The following KIF19 variants were observed in gnomAD, a reference collection of about 807,000 sequenced individuals.
KIF19 encodes kinesin family member 19, also known as kinesin-like protein KIF19.
Under a neutral mutation model 106.6 loss-of-function variants are expected in KIF19, and 98 were observed. That is an observed-to-expected ratio of 0.92 (90% confidence interval 0.78 to 1.09). The LOEUF (loss-of-function observed/expected upper bound fraction) is 1.09, where lower values mean the gene tolerates loss of function less well. Ranked by LOEUF, KIF19 falls within the 50% of genes least tolerant of loss-of-function variation. The pLI, the probability that KIF19 is intolerant of heterozygous loss-of-function variation, is 0.00. For missense variants in KIF19, 1,373 were observed against 1,414.3 expected (o/e 0.97, Z 0.47); for synonymous variants, 516 against 584.2 (o/e 0.88, Z 1.68).
At chr17:74,336,637 C>T (rs914409558) in intron 2 of KIF19, among the ~76,000 whole-genome samples, 2 of 152,160 alleles carry the variant, frequency 1.3e-5, no homozygotes, top group Non-Finnish European at 2.9e-5. Context: ...GGTACTCCCC[C>T]CAGCCAGGCA....
In KIF19 at chr17:74,350,729, C is replaced by T. The variant is rs2382644; in HGVS notation, c.1411C>T (p.Arg471Trp). The change falls in exon 12 of 20, where the codon CGG (arginine) becomes TGG (tryptophan). Residue 471 changes from arginine (R) to tryptophan (W), a missense_variant. Around this residue, in one of 3 missense-constraint regions of KIF19, gnomAD observed 1,020 missense variants for 1,008.2 expected, o/e 1.01. Coordinates refer to ENST00000389916, the MANE Select transcript of KIF19 (RefSeq NM_153209.4). The stretch of plus-strand genomic sequence containing the variant: ...CAGCTGGAAGCATGAGAAGTCCCGC[C>T]GGGCCCTCAAATGGCGGGAGGAGCA... ...IAGWKHEKSRRALKWREEQRK... is the reference protein window; with the variant it reads ...IAGWKHEKSRWALKWREEQRK... 151,068 of 1,613,780 alleles carry T rather than the reference C, an allele frequency of 0.094. 7,947 individuals carry two copies. Among genetic ancestry groups the T allele is most frequent in the East Asian group, 0.2 (8,903 of 44,872 alleles).
Position 74,355,241 on chromosome 17 carries a change from G to T in KIF19, c.2926G>T (p.Ala976Ser), listed in dbSNP as rs1352372371. ...CAACCCAGGTGGTGGTTCTCGACGG[G>T]CTACCCGTGGGCCCCGCCTGCCCCA... ...PPNPGGGSRR[A>S]TRGPRLPHGT... Residue 976 changes from alanine (A) to serine (S), a missense_variant, in exon 20 of 20, where the codon GCT (alanine) becomes TCT (serine). Ala to Ser is a moderately conservative substitution (Grantham distance 99). Transcript: ENST00000389916. 1.2e-6 allele frequency: 2 copies of T among 1,612,658 alleles called. No homozygotes were observed. The highest frequency in any genetic ancestry group is 1.7e-6 in the Non-Finnish European group (2 of 1,179,702).
rs1567897631 is a variant in KIF19 at position 74,332,210 on chromosome 17, T to TGTTTGTG, written c.120+3705_120+3706insGTTTGTG. Among the ~76,000 whole-genome samples the TGTTTGTG allele has an allele frequency of 3.8e-3, 411 of 108,832 alleles. 3 individuals carry two copies. Among genetic ancestry groups the TGTTTGTG allele is most frequent in the Middle Eastern group, 0.014 (3 of 212 alleles). The allele number at this position is 108,832 out of a possible 152,430, so 71.4% of individuals were successfully genotyped here. On this transcript the variant is annotated intron_variant, in intron 2 of 19. Transcript: ENST00000389916. Reference sequence around the variant, plus strand: ...TGTGTGTGTGTGTGTGTGTGTGTGTTTGTGTGTGTGTGTGTGTGTGTGTGT... The same window carrying TGTTTGTG: ...TGTGTGTGTGTGTGTGTGTGTGTGTTGTTTGTGTGTGTGTGTGTGTGTGTGTGTGTGT...
chr17:74,355,011 G>T, intron 19 of KIF19, 70 bp downstream of exon 19: 1 of 1,550,922 alleles, frequency 6.4e-7, no homozygotes. Context: ...AAGACACATT[G>T]CATTTCCTGC....
Position 74,343,076 on chromosome 17 carries a change from TG to T in KIF19, c.373del (p.Val125PhefsTer33). 1 of 1,613,118 alleles carries T rather than the reference TG, an allele frequency of 6.2e-7. No individual in the cohort carries two copies. Among genetic ancestry groups the T allele is most frequent in the Non-Finnish European group, 8.5e-7 (1 of 1,179,746 alleles). ...LGTDQEPGIYVQTLNDLFRAI... is the reference protein window; with the variant it reads ...LGTDQEPGIYXQTLNDLFRAI... ...GCACAGACCAGGAGCCTGGCATCTA[TG>T]TTCAGACCCTCAACGACCTCTTCCG... is the stretch of plus-strand genomic sequence containing the variant. On this transcript the variant is annotated frameshift_variant, in exon 5 of 20. Coordinates refer to ENST00000389916, the MANE Select transcript of KIF19 (RefSeq NM_153209.4). LOFTEE classifies it high-confidence loss of function.
chr17:74,352,618 G>A (rs1276078661), intron 14 of KIF19, among the ~76,000 whole-genome samples: 1 of 152,178 alleles, frequency 6.6e-6, no homozygotes, highest in Non-Finnish European at 1.5e-5. Flanking sequence ...TGCCCTCCCA[G>A]GAGACCAAGC....
At chr17:74,342,956 G>A (rs964197040) in intron 4 of KIF19, 68 bp from the exon 5 acceptor site, 3 of 1,505,506 alleles carry the variant, frequency 2.0e-6, no homozygotes, top group Non-Finnish European at 2.7e-6. Context: ...CGGTTTCCAG[G>A]AGTGCCTGCC....
chr17:74,354,609 A>G (rs1394877349), intron 18 of KIF19, 50 bp downstream of exon 18: 2 of 1,553,372 alleles, frequency 1.3e-6, no homozygotes, highest in East Asian at 2.4e-5. Context: ...TAGCAGCTGG[A>G]GGCCTGAGGG....
At chr17:74,327,373 AG>A (rs2053943042) in intron 1 of KIF19, among the ~76,000 whole-genome samples, 1 of 152,338 alleles carries the variant, frequency 6.6e-6, no homozygotes, top group African/African-American at 2.4e-5. Flanking sequence ...CCCGGGGAGC[AG>A]GGATGAAGGG....
chr17:74,348,719 T>G (rs1014864148), intron 9 of KIF19: 7 of 170,056 alleles, frequency 4.1e-5, no homozygotes, highest in African/African-American at 1.5e-4. Context: ...GAACAGGAGG[T>G]GGGGGTGGCC....
intron 10 of KIF19, among the ~76,000 whole-genome samples, chr17:74,349,684 G>A (rs772766667): frequency 1.5e-4 from 23 of 152,230 alleles, no homozygotes; most frequent in Non-Finnish European, 2.5e-4. Flanking sequence ...CTGCACCCCC[G>A]GAATGGGCTC....
In KIF19 at chr17:74,346,383, G is replaced by C. The variant is rs1341450763; in HGVS notation, c.783G>C (p.Gln261His). ...GCCCTTTGCTCGCCCCCTAGACACA[G>C]AATCGTGGGCAGCGTATGAAGGAGG... is the stretch of plus-strand genomic sequence containing the variant. ...LAGSERASQTQNRGQRMKEGA... is the reference protein window; with the variant it reads ...LAGSERASQTHNRGQRMKEGA... Residue 261 changes from glutamine to histidine, a missense_variant, in exon 8 of 20, where the codon CAG becomes CAC. Coordinates refer to ENST00000389916, the MANE Select transcript of KIF19 (RefSeq NM_153209.4). This position sits in a 1 kb window ranked among gnomAD's most constrained non-coding sequence, Gnocchi z 4.6. 3.2e-6 allele frequency: 5 copies of C among 1,573,830 alleles called. No individual in the cohort carries two copies. In the East Asian group the frequency reaches 1.2e-4, roughly 37 times the overall value.
At chr17:74,330,235 G>T (rs2054039226) in intron 2 of KIF19, among the ~76,000 whole-genome samples, 1 of 152,214 alleles carries the variant, frequency 6.6e-6, no homozygotes, top group Non-Finnish European at 1.5e-5. Context: ...AGGAGGTTCT[G>T]CCATTTGCCA....
In KIF19 at chr17:74,352,325, C is replaced by T. The variant is rs776451781; in HGVS notation, c.1965C>T (p.Ala655=). 1 of 1,609,060 alleles carries T rather than the reference C, an allele frequency of 6.2e-7. No homozygotes were observed. Among genetic ancestry groups the T allele is most frequent in the Non-Finnish European group, 8.5e-7 (1 of 1,178,362 alleles). Residue 655 remains alanine (A), a synonymous_variant, in exon 14 of 20, where the codon GCC becomes GCT. Coordinates refer to ENST00000389916, the MANE Select transcript of KIF19 (RefSeq NM_153209.4). The part of the protein sequence containing the change: ...LEQATIMDQV[A]SRALQDSSLP... The stretch of plus-strand genomic sequence containing the variant: ...AGGCCACCATCATGGACCAAGTGGC[C>T]TCCAGGGCCCTGCAGGTGGGTGGGC...
intron 19 of KIF19, 89 bp from the exon 20 acceptor site, chr17:74,355,093 C>A (rs1055886468): frequency 6.5e-7 from 1 of 1,544,194 alleles, no homozygotes; most frequent in Admixed American, 1.8e-5. Flanking sequence ...TGGGGTGGTG[C>A]CCCTAGAGAG....
chr17:74,346,521 G>C lies in KIF19; in HGVS notation c.921G>C (p.Leu307=). ...GCGACAGCAAGCTCACCCGGCTCCT[G>C]AAGGTACCAGCCACAGCTGGGCCTG... ...NYRDSKLTRL[L]KDSLGGNSRT... is the part of the protein sequence containing the mutation. The change falls in exon 8 of 20, where the codon CTG becomes CTC. Residue 307 remains leucine, a synonymous_variant. Coordinates refer to ENST00000389916, the MANE Select transcript of KIF19 (RefSeq NM_153209.4). The surrounding 1 kb of genome is among the most constrained non-coding windows in gnomAD (Gnocchi z 4.6). The C allele has an allele frequency of 6.4e-7, 1 of 1,550,922 alleles. No individual in the cohort carries two copies. The highest frequency in any genetic ancestry group is 8.7e-7 in the Non-Finnish European group (1 of 1,146,904).
chr17:74,333,378 T>G (rs1479995581), intron 2 of KIF19, among the ~76,000 whole-genome samples: 3 of 150,112 alleles, frequency 2.0e-5, no homozygotes. Flanking sequence ...TTTTTTTTTT[T>G]TTTTGAGACA....
At chr17:74,353,337 A>C in intron 16 of KIF19, 36 bp downstream of exon 16, 1 of 1,523,298 alleles carries the variant, frequency 6.6e-7, no homozygotes, top group Non-Finnish European at 8.9e-7. Flanking sequence ...CACGAGCTCC[A>C]CTGCAGCGGG....
intron 4 of KIF19, 33 bp downstream of exon 4, chr17:74,342,750 C>A: frequency 6.4e-7 from 1 of 1,571,724 alleles, no homozygotes. Flanking sequence ...GGGCGAGGAC[C>A]GCAATGCCCC....
Sources: allele counts gnomAD v4.1 joint callset (sites outside exome capture counted in the v4.1 genomes callset), GRCh38; gene constraint gnomAD v4.1.1; regional missense constraint gnomAD v4.1.1; non-coding constraint Gnocchi (gnomAD v3.1); transcripts MANE v1.5; gene names NCBI Gene and HGNC (gene_info 2026-07-23, HGNC 2026-07-21).